The following MYCBP2 variants were observed in gnomAD, a reference collection of about 807,000 sequenced individuals.
The protein encoded by MYCBP2 is MYC binding protein 2, also known as E3 ubiquitin-protein ligase MYCBP2.
MYCBP2 carries 120 observed loss-of-function variants against 525.3 expected under a neutral mutation model. The observed-to-expected ratio is 0.23, with a 90% CI of 0.20 to 0.27. MYCBP2 has a LOEUF of 0.27. Among genes scored for constraint, MYCBP2 ranks in the 10% least tolerant of loss-of-function variants. The pLI, the probability that MYCBP2 is intolerant of heterozygous loss-of-function variation, is 1.00. For missense variants in MYCBP2, 4,149 were observed against 5,657.1 expected, an observed-to-expected ratio of 0.73 and a Z score of 8.55; for synonymous variants, 1,894 against 1,955.8, an observed-to-expected ratio of 0.97 and a Z score of 0.83.
At chr13:77,051,713 G>T in intron 81 of MYCBP2, 98 bp downstream of exon 81, 1 of 805,152 alleles carries the variant, frequency 1.2e-6, no homozygotes. Context: ...AAATACTGAG[G>T]AGAAAAGCCT....
intron 48 of MYCBP2, among the ~76,000 whole-genome samples, chr13:77,145,954 T>G (rs1156945790): frequency 6.6e-6 from 1 of 151,986 alleles, no homozygotes; most frequent in Non-Finnish European, 1.5e-5. Context: ...GTAGGTAGTA[T>G]TATGTAATAT....
intron 2 of MYCBP2, among the ~76,000 whole-genome samples, chr13:77,289,290 A>G (rs2077221133): frequency 6.6e-6 from 1 of 152,166 alleles, no homozygotes; most frequent in Non-Finnish European, 1.5e-5. Context: ...AAGAGATATT[A>G]CAAATATCTC....
At position 77,095,274 on chromosome 13, in the gene MYCBP2, T is replaced by C. The variant is rs80335169; in HGVS notation, c.10199+84A>G. 1,466 of 1,516,908 alleles carry C rather than the reference T, an allele frequency of 9.7e-4. 3 individuals carry two copies. Among genetic ancestry groups the C allele is most frequent in the Non-Finnish European group, 1.1e-3 (1,276 of 1,120,336 alleles). 94.0% of individuals were successfully genotyped at this position (1,516,908 alleles called of 1,614,324 possible). A position where few individuals can be genotyped will look rare whatever the true frequency, so the allele number is the denominator to read the frequency against. On this transcript the variant is annotated intron_variant, in intron 58 of 82. Transcript: ENST00000544440. ...TACACAATAGCTAATAAAGTGTAGGTCAAATACCGAACTACCCTAGATATC... is the reference window on the plus strand; with the variant it reads ...TACACAATAGCTAATAAAGTGTAGGCCAAATACCGAACTACCCTAGATATC...
At chr13:77,105,269 A>G (rs895607327) in intron 55 of MYCBP2, among the ~76,000 whole-genome samples, 1 of 152,162 alleles carries the variant, frequency 6.6e-6, no homozygotes, top group African/African-American at 2.4e-5. Flanking sequence ...GAGGAAACTT[A>G]TAAGATGTTA....
chr13:77,052,428 G>C (rs764615540), intron 80 of MYCBP2, among the ~76,000 whole-genome samples: 1 of 152,176 alleles, frequency 6.6e-6, no homozygotes, highest in African/African-American at 2.4e-5. Context: ...CAAACTCCTG[G>C]GCTCAGGTGA....
chr13:77,082,990 C>G, intron 63 of MYCBP2, 42 bp downstream of exon 63: 1 of 1,558,652 alleles, frequency 6.4e-7, no homozygotes, highest in East Asian at 2.3e-5. Flanking sequence ...TCCATAAACT[C>G]TCTTGTCCAA....
intron 13 of MYCBP2, among the ~76,000 whole-genome samples, chr13:77,259,462 C>T (rs1013474972): frequency 6.6e-6 from 1 of 152,154 alleles, no homozygotes; most frequent in Non-Finnish European, 1.5e-5. Flanking sequence ...ATACAAGTTT[C>T]CATCAGCTCT....
At chr13:77,080,063 G>A (rs1443420229) in intron 65 of MYCBP2, among the ~76,000 whole-genome samples, 1 of 152,204 alleles carries the variant, frequency 6.6e-6, no homozygotes. Flanking sequence ...ACTGAACAGT[G>A]AGTTCTAGCT....
chr13:77,225,357 T>C, intron 19 of MYCBP2, 78 bp downstream of exon 19: 2 of 1,580,412 alleles, frequency 1.3e-6, no homozygotes, highest in South Asian at 2.2e-5. Context: ...TAACAGGCTA[T>C]GTTCATCAAA....
At chr13:77,323,011 C>G (rs564273597) in intron 1 of MYCBP2, among the ~76,000 whole-genome samples, 1 of 152,278 alleles carries the variant, frequency 6.6e-6, no homozygotes, top group African/African-American at 2.4e-5. Context: ...CAAGTCCCCA[C>G]ACCCCTCATT....
chr13:77,060,142 G>A (rs2039000301), intron 76 of MYCBP2, among the ~76,000 whole-genome samples: 1 of 152,012 alleles, frequency 6.6e-6, no homozygotes, highest in Non-Finnish European at 1.5e-5. Flanking sequence ...ACTTAAAGAA[G>A]AAACAGAATC....
At chr13:77,237,449 T>C (rs1191758732) in intron 17 of MYCBP2, among the ~76,000 whole-genome samples, 1 of 151,950 alleles carries the variant, frequency 6.6e-6, no homozygotes, top group Non-Finnish European at 1.5e-5. Flanking sequence ...AGGGGTACAA[T>C]ACAAGCAAAA....
chr13:77,326,684 G>T lies in MYCBP2; in HGVS notation c.92C>A (p.Ser31Tyr). The T allele has an allele frequency of 1.4e-6, 2 of 1,454,916 alleles. No homozygotes were observed. The highest frequency in any genetic ancestry group is 9.0e-7 in the Non-Finnish European group (1 of 1,111,190). 90.1% of individuals were successfully genotyped at this position (1,454,916 alleles called of 1,614,324 possible). The change falls in exon 1 of 83, where the codon TCC (serine) becomes TAC (tyrosine). Residue 31 changes from serine (S) to tyrosine (Y), a missense_variant. Transcript: ENST00000544440. The surrounding 1 kb of genome is among the most constrained non-coding windows in gnomAD (Gnocchi z 4.2). ...GFYPAATFSS[S>Y]PAPGALFMPV... ...CATGAACAGCGCCCCCGGCGCCGGG[G>T]AGGAAGAGAAGGTGGCGGCTGGGTA...
At chr13:77,059,305 T>A (rs1177866695) in intron 77 of MYCBP2, among the ~76,000 whole-genome samples, 1 of 152,234 alleles carries the variant, frequency 6.6e-6, no homozygotes, top group African/African-American at 2.4e-5. Context: ...ATACATATGA[T>A]CATGGTAACT....
At position 77,098,464 on chromosome 13, in the gene MYCBP2, G is replaced by A. The variant is rs772245086; in HGVS notation, c.8690C>T (p.Thr2897Met). ...TGGTACTGATTTTGGTTTTGGTGAC[G>A]TTGACCGTCCTCTCAAAGGTTCTGT... ...PLTEPLRGRS[T>M]SPKPKSVPKD... Residue 2897 changes from threonine to methionine, a missense_variant, in exon 56 of 83, where the codon ACG (threonine) becomes ATG (methionine). This residue lies in a region of MYCBP2 where 653 missense variants were observed against 744.7 expected (regional missense o/e 0.88). Transcript: ENST00000544440. 9.3e-6 allele frequency: 15 copies of A among 1,613,554 alleles called. No homozygotes were observed. The highest frequency in any genetic ancestry group is 6.7e-5 in the Admixed American group (4 of 59,884).
intron 55 of MYCBP2, among the ~76,000 whole-genome samples, chr13:77,105,482 A>G (rs1350090719): frequency 6.6e-6 from 1 of 152,116 alleles, no homozygotes; most frequent in Admixed American, 6.6e-5. Flanking sequence ...CATGTTCTAC[A>G]CATTAAATTT....
intron 26 of MYCBP2, among the ~76,000 whole-genome samples, chr13:77,198,581 T>C (rs943953856): frequency 2.0e-5 from 3 of 152,210 alleles, no homozygotes; most frequent in Non-Finnish European, 4.4e-5. Flanking sequence ...ATCAGGTAAT[T>C]TGAGAAGCAG....
chr13:77,092,991 C>A (rs1216191239), intron 59 of MYCBP2, among the ~76,000 whole-genome samples, 174 bp downstream of exon 59: 1 of 152,178 alleles, frequency 6.6e-6, no homozygotes, highest in Non-Finnish European at 1.5e-5. Flanking sequence ...TAGTCTGCCT[C>A]TCCCATCAAG....
chr13:77,201,310 T>G (rs867681191), intron 26 of MYCBP2, among the ~76,000 whole-genome samples: 1,838 of 149,206 alleles, frequency 0.012, 41 homozygotes, highest in African/African-American at 0.043. Flanking sequence ...CATTACATAA[T>G]GGTAAAGGGA....
Sources: gnomAD v4.1 joint callset for allele counts (sites outside exome capture counted in the v4.1 genomes callset) on GRCh38, gnomAD v4.1.1 for gene constraint, gnomAD v4.1.1 regional missense constraint, Gnocchi (gnomAD v3.1) non-coding constraint, MANE v1.5 for transcripts, NCBI Gene and HGNC (gene_info 2026-07-23, HGNC 2026-07-21) for gene names.